The following UBE2QL1 variants were observed in gnomAD, a reference collection of about 807,000 sequenced individuals.
UBE2QL1 encodes ubiquitin conjugating enzyme E2 QL1, also known as ubiquitin-conjugating enzyme E2Q-like protein 1.
Under a neutral mutation model 12.6 loss-of-function variants are expected in UBE2QL1, and 5 were observed. The ratio of observed to expected loss-of-function variants is 0.40; its 90% confidence interval spans 0.21 to 0.83. UBE2QL1 has a LOEUF of 0.83. UBE2QL1 is among the 40% of genes least tolerant of loss of function. The pLI is 0.37. For synonymous variants in UBE2QL1, 96 were observed against 94.5 expected (o/e 1.02, Z -0.10); for missense variants, 99 against 222.6 (o/e 0.44, Z 3.53).
chr5:6,471,287 C>T (rs115115291), intron 1 of UBE2QL1, among the ~76,000 whole-genome samples: 1 of 152,226 alleles, frequency 6.6e-6, no homozygotes, highest in Non-Finnish European at 1.5e-5. Context: ...AACATGTCTT[C>T]TCTCCTAGTT....
intron 1 of UBE2QL1, among the ~76,000 whole-genome samples, chr5:6,463,633 TATTATTA>T (rs1739722535): frequency 3.4e-5 from 5 of 146,618 alleles, no homozygotes; most frequent in African/African-American, 1.3e-4. Flanking sequence ...TTATTATTAT[TATTATTA>T]TTTTTGATGC....
chr5:6,458,382 G>A (rs957164642), intron 1 of UBE2QL1, among the ~76,000 whole-genome samples: 4 of 152,114 alleles, frequency 2.6e-5, no homozygotes, highest in Non-Finnish European at 2.9e-5. Flanking sequence ...TATTTGAAGG[G>A]TAATTCTCAT....
chr5:6,461,719 G>A (rs1739670193), intron 1 of UBE2QL1, among the ~76,000 whole-genome samples: 1 of 152,048 alleles, frequency 6.6e-6, no homozygotes, highest in African/African-American at 2.4e-5. Context: ...CAGACCATTT[G>A]TTCATATTTA....
chr5:6,470,693 G>A (rs977394365), intron 1 of UBE2QL1, among the ~76,000 whole-genome samples: 6 of 152,190 alleles, frequency 3.9e-5, no homozygotes, highest in African/African-American at 1.4e-4. Flanking sequence ...AGGCTGATGT[G>A]GACGTCTGAG....
At chr5:6,466,215 GAACCA>G (rs1739789151) in intron 1 of UBE2QL1, among the ~76,000 whole-genome samples, 1 of 152,182 alleles carries the variant, frequency 6.6e-6, no homozygotes, top group Non-Finnish European at 1.5e-5. Context: ...CCAAAAACTG[GAACCA>G]GGGTCACCTC....
chr5:6,462,072 T>G (rs1739680839), intron 1 of UBE2QL1, among the ~76,000 whole-genome samples: 1 of 152,098 alleles, frequency 6.6e-6, no homozygotes. Context: ...GTGATGGTCG[T>G]TTAACCTCTA....
chr5:6,449,018 A>G lies in UBE2QL1; in HGVS notation c.125A>G (p.Gln42Arg). ...HQVDKDSVLW[Q>R]DMKETNTEFI... Reference sequence around the variant, plus strand: ...GTGGACAAGGACTCGGTGCTGTGGCAGGACATGAAGGAGACCAACACCGAG... The same window carrying G: ...GTGGACAAGGACTCGGTGCTGTGGCGGGACATGAAGGAGACCAACACCGAG... Residue 42 changes from glutamine to arginine, a missense_variant, in exon 1 of 2, where the codon CAG (glutamine) becomes CGG (arginine). Coordinates refer to ENST00000399816, the MANE Select transcript of UBE2QL1 (RefSeq NM_001145161.3). The G allele has an allele frequency of 6.5e-7, 1 of 1,549,180 alleles. No individual in the cohort carries two copies.
chr5:6,479,766 A>G lies in UBE2QL1; in HGVS notation c.355-11452A>G, dbSNP rs1384006178. Among the ~76,000 whole-genome samples, 1 of 152,228 alleles carries G rather than the reference A, an allele frequency of 6.6e-6. No homozygotes were observed. Among genetic ancestry groups the G allele is most frequent in the Non-Finnish European group, 1.5e-5 (1 of 68,050 alleles). The stretch of plus-strand genomic sequence containing the variant: ...TTCCTTTTGCATTCTGGTCCTGGCC[A>G]AAATGACAAACACAGACTGCCCCCA... On this transcript the variant is annotated intron_variant, in intron 1 of 1. Coordinates refer to ENST00000399816, the MANE Select transcript of UBE2QL1 (RefSeq NM_001145161.3). The surrounding 1 kb of genome is among the most constrained non-coding windows in gnomAD (Gnocchi z 4.2).
rs914907662 is a variant in UBE2QL1 at position 6,494,644 on chromosome 5, G to T, written c.*3295G>T. On this transcript the variant is annotated 3_prime_UTR_variant, in exon 2 of 2. Coordinates refer to ENST00000399816, the MANE Select transcript of UBE2QL1 (RefSeq NM_001145161.3). ...TCAACGAAATGTAAGTGTCATTTTC[G>T]TAGTATTAGGACGTTTACATTACAG... The T allele has an allele frequency of 1.3e-5, 2 of 152,162 alleles. No homozygotes were observed. The highest frequency in any genetic ancestry group is 4.8e-5 in the African/African-American group (2 of 41,434). 9.4% of individuals were successfully genotyped at this position (152,162 alleles called of 1,614,324 possible).
chr5:6,455,852 A>G (rs544621739), intron 1 of UBE2QL1, among the ~76,000 whole-genome samples: 4 of 152,156 alleles, frequency 2.6e-5, no homozygotes, highest in African/African-American at 7.2e-5. Context: ...TCCCTGTCCT[A>G]GGTCAACCCT....
intron 1 of UBE2QL1, among the ~76,000 whole-genome samples, chr5:6,469,690 A>G (rs896564035): frequency 6.6e-6 from 1 of 151,902 alleles, no homozygotes; most frequent in South Asian, 2.1e-4. Context: ...TTACATTTCA[A>G]TTTCAGGATG....
At chr5:6,465,651 CG>C (rs1211886025) in intron 1 of UBE2QL1, among the ~76,000 whole-genome samples, 1 of 152,122 alleles carries the variant, frequency 6.6e-6, no homozygotes, top group Non-Finnish European at 1.5e-5. Context: ...TGCCCCTCTC[CG>C]CCCCCAGCAA....
At position 6,493,493 on chromosome 5, in the gene UBE2QL1, C is replaced by T. The variant is rs1413629220; in HGVS notation, c.*2144C>T. The T allele has an allele frequency of 5.9e-5, 9 of 152,288 alleles. No individual in the cohort carries two copies. The highest frequency in any genetic ancestry group is 2.2e-4 in the African/African-American group (9 of 41,566). 9.4% of individuals were successfully genotyped at this position (152,288 alleles called of 1,614,324 possible). ...TGAGAACTGCACCAAGGGGTGCAGC[C>T]AAGAGACTGGTCTGACCCCGGGTTG... On this transcript the variant is annotated 3_prime_UTR_variant, in exon 2 of 2. Coordinates refer to ENST00000399816, the MANE Select transcript of UBE2QL1 (RefSeq NM_001145161.3).
intron 1 of UBE2QL1, among the ~76,000 whole-genome samples, chr5:6,465,552 C>T (rs972605134): frequency 1.9e-4 from 29 of 152,188 alleles, no homozygotes; most frequent in African/African-American, 6.3e-4. Context: ...TTCTCAACCT[C>T]GGTTTCCACT....
intron 1 of UBE2QL1, among the ~76,000 whole-genome samples, chr5:6,450,085 G>C (rs1433451149): frequency 6.3e-5 from 7 of 110,938 alleles, no homozygotes; most frequent in African/African-American, 2.1e-4. Context: ...GACAAGACCA[G>C]ACCCCCCCCC....
chr5:6,488,081 G>A (rs1349494164), intron 1 of UBE2QL1, among the ~76,000 whole-genome samples: 2 of 152,218 alleles, frequency 1.3e-5, no homozygotes, highest in Non-Finnish European at 1.5e-5. Flanking sequence ...AGAGACAGGA[G>A]ATGCGATGAG....
intron 1 of UBE2QL1, among the ~76,000 whole-genome samples, chr5:6,477,251 C>T (rs762791006): frequency 2.4e-4 from 36 of 152,232 alleles, no homozygotes; most frequent in Non-Finnish European, 7.3e-5. Flanking sequence ...TCCCAGTCAC[C>T]CTGCCACCAT....
At chr5:6,482,234 C>T (rs757700058) in intron 1 of UBE2QL1, among the ~76,000 whole-genome samples, 1 of 152,208 alleles carries the variant, frequency 6.6e-6, no homozygotes, top group Non-Finnish European at 1.5e-5. Flanking sequence ...CCCCTGGGCC[C>T]TCATCTCCAT....
In UBE2QL1 at chr5:6,493,644, A is replaced by C. The variant is rs1734618913; in HGVS notation, c.*2295A>C. 2 of 152,240 alleles carry C rather than the reference A, an allele frequency of 1.3e-5. No individual in the cohort carries two copies. Among genetic ancestry groups the C allele is most frequent in the South Asian group, 4.1e-4 (2 of 4,832 alleles). The allele number at this position is 152,240 out of a possible 1,614,324, so 9.4% of individuals were successfully genotyped here. ...GGTTTGTTAGAAACTTATAGAAGAA[A>C]TCAATTCTTTAGTGAACGAAATACC... On this transcript the variant is annotated 3_prime_UTR_variant, in exon 2 of 2. Coordinates refer to ENST00000399816, the MANE Select transcript of UBE2QL1 (RefSeq NM_001145161.3).
Sources: gnomAD v4.1 joint callset for allele counts (sites outside exome capture counted in the v4.1 genomes callset) on GRCh38, gnomAD v4.1.1 for gene constraint, Gnocchi (gnomAD v3.1) non-coding constraint, MANE v1.5 for transcripts, NCBI Gene and HGNC (gene_info 2026-07-23, HGNC 2026-07-21) for gene names.